ZNF148: variants seen among roughly 807,000 people sequenced by gnomAD.
ZNF148 encodes zinc finger protein 148.
A neutral mutation model predicts 67.7 loss-of-function variants in ZNF148; 7 were observed. That is an observed-to-expected ratio of 0.10 (90% CI 0.06 to 0.19). The LOEUF (loss-of-function observed/expected upper bound fraction) is 0.19. Ranked by LOEUF, ZNF148 falls within the 10% of genes least tolerant of loss-of-function variation. The pLI, the probability that ZNF148 is intolerant of heterozygous loss-of-function variation, is 1.00. For synonymous variants in ZNF148, 333 were observed against 330.7 expected (o/e 1.01, Z -0.08); for missense variants, 583 against 947.1 (o/e 0.62, Z 5.05).
intron 1 of ZNF148, among the ~76,000 whole-genome samples, chr3:125,347,707 T>A (rs1941997845): frequency 6.6e-6 from 1 of 151,922 alleles, no homozygotes; most frequent in Non-Finnish European, 1.5e-5. Flanking sequence ...TTATGTATTC[T>A]TTTTATAGAG....
At chr3:125,332,579 C>T (rs1046571565) in intron 1 of ZNF148, among the ~76,000 whole-genome samples, 2 of 152,194 alleles carry the variant, frequency 1.3e-5, no homozygotes, top group Non-Finnish European at 2.9e-5. Context: ...GTAGCTGAGT[C>T]TCAGCAAATC....
intron 2 of ZNF148, among the ~76,000 whole-genome samples, chr3:125,329,990 G>A (rs4679386): frequency 3.1e-3 from 467 of 152,240 alleles, no homozygotes; most frequent in Admixed American, 6.0e-3. Flanking sequence ...GGAAGGGTTG[G>A]AAAGCCTTTT....
chr3:125,324,437 A>G (rs575045535), intron 2 of ZNF148, among the ~76,000 whole-genome samples: 73 of 152,338 alleles, frequency 4.8e-4, no homozygotes, highest in African/African-American at 1.7e-3. Flanking sequence ...GCTGACAAAA[A>G]AGATAGATAA....
intron 5 of ZNF148, among the ~76,000 whole-genome samples, chr3:125,284,527 A>T (rs1223583082): frequency 6.6e-6 from 1 of 152,144 alleles, no homozygotes; most frequent in Non-Finnish European, 1.5e-5. Context: ...GATGGGGGAG[A>T]GCCCTAAAAT....
intron 4 of ZNF148, among the ~76,000 whole-genome samples, chr3:125,300,640 A>G (rs908967230): frequency 6.6e-6 from 1 of 152,244 alleles, no homozygotes; most frequent in African/African-American, 2.4e-5. Flanking sequence ...TGAATGCTAA[A>G]GCATTTTTTA....
intron 1 of ZNF148, among the ~76,000 whole-genome samples, chr3:125,341,100 C>A (rs563335531): frequency 7.0e-5 from 10 of 143,030 alleles, no homozygotes; most frequent in African/African-American, 2.6e-4. Flanking sequence ...GAGGGTAAAT[C>A]AGATGTTGGA....
intron 4 of ZNF148, among the ~76,000 whole-genome samples, chr3:125,301,492 C>T (rs1173612000): frequency 6.6e-6 from 1 of 152,120 alleles, no homozygotes; most frequent in Non-Finnish European, 1.5e-5. Context: ...CAAACACTAG[C>T]GAGTTTACAT....
chr3:125,233,175 T>C lies in ZNF148; in HGVS notation c.1551A>G (p.Ile517Met), dbSNP rs780126589. 21 of 1,613,932 alleles carry C rather than the reference T, an allele frequency of 1.3e-5. No homozygotes were observed. The South Asian group carries it at 2.2e-4, about 17-fold the overall frequency. Residue 517 changes from isoleucine (I) to methionine (M), a missense_variant, in exon 9 of 9, where the codon ATA becomes ATG. This residue lies in a region of ZNF148 where 172 missense variants were observed against 307.7 expected (regional missense o/e 0.56). Coordinates refer to ENST00000360647, the MANE Select transcript of ZNF148 (RefSeq NM_021964.3). This position sits in a 1 kb window ranked among gnomAD's most constrained non-coding sequence, Gnocchi z 5.1. ...SVIDESTTAS[I>M]LESQALNVEI... ...CCACATTCAGTGCCTGTGACTCTAA[T>C]ATGGATGCCGTGGTACTTTCATCAA...
In ZNF148 at chr3:125,233,757, T is replaced by C. The variant is rs1935959558; in HGVS notation, c.969A>G (p.Lys323=). The C allele has an allele frequency of 6.2e-7, 1 of 1,613,616 alleles. No individual in the cohort carries two copies. Among genetic ancestry groups the C allele is most frequent in the South Asian group, 1.1e-5 (1 of 91,016 alleles). ...PKKKRQKTEK[K]SSGMDKESAL... is the part of the protein sequence containing the mutation. Reference sequence around the variant, plus strand: ...CACTCTCTTTGTCCATTCCAGATGATTTTTTCTCCGTTTTCTGCCTTTTCT... The same window carrying C: ...CACTCTCTTTGTCCATTCCAGATGACTTTTTCTCCGTTTTCTGCCTTTTCT... The change falls in exon 9 of 9, where the codon AAA becomes AAG. Residue 323 remains lysine, a synonymous_variant. Coordinates refer to ENST00000360647, the MANE Select transcript of ZNF148 (RefSeq NM_021964.3). This position sits in a 1 kb window ranked among gnomAD's most constrained non-coding sequence, Gnocchi z 5.1.
intron 7 of ZNF148, among the ~76,000 whole-genome samples, chr3:125,275,333 CT>C (rs1177266019): frequency 6.6e-6 from 1 of 152,160 alleles, no homozygotes; most frequent in Non-Finnish European, 1.5e-5. Context: ...GCTTCTACCA[CT>C]TTTAGATGCT....
chr3:125,342,129 A>AC (rs1303085182), intron 1 of ZNF148, among the ~76,000 whole-genome samples: 10 of 58,438 alleles, frequency 1.7e-4, no homozygotes, highest in African/African-American at 4.9e-4. Flanking sequence ...CTACAGGGCA[A>AC]TAAAAAAAAA....
intron 1 of ZNF148, among the ~76,000 whole-genome samples, chr3:125,340,936 C>T (rs1018032324): frequency 1.1e-4 from 15 of 137,898 alleles, no homozygotes; most frequent in African/African-American, 3.6e-4. Flanking sequence ...TGCAGTGAGC[C>T]GAGATCCCGC....
intron 4 of ZNF148, among the ~76,000 whole-genome samples, chr3:125,295,614 T>C (rs189614765): frequency 1.7e-4 from 26 of 152,152 alleles, no homozygotes; most frequent in Admixed American, 1.4e-3. Context: ...AGAAATAAAA[T>C]CCAGTTTCAA....
chr3:125,308,199 G>A (rs1308010673), intron 4 of ZNF148, among the ~76,000 whole-genome samples: 1 of 152,062 alleles, frequency 6.6e-6, no homozygotes, highest in Non-Finnish European at 1.5e-5. Flanking sequence ...AGATAACAAA[G>A]TCACAGAATA....
intron 1 of ZNF148, among the ~76,000 whole-genome samples, chr3:125,374,380 A>G (rs1942990337): frequency 1.3e-5 from 2 of 151,286 alleles, no homozygotes; most frequent in East Asian, 3.9e-4. Context: ...ACTATTTAGC[A>G]CTCCCTCTTG....
chr3:125,278,725 G>A (rs1318692110), intron 6 of ZNF148, among the ~76,000 whole-genome samples: 1 of 151,904 alleles, frequency 6.6e-6, no homozygotes, highest in African/African-American at 2.4e-5. Flanking sequence ...CTTTAATACT[G>A]TTCTCTACAA....
chr3:125,327,868 T>C (rs1941095546), intron 2 of ZNF148, among the ~76,000 whole-genome samples: 2 of 152,164 alleles, frequency 1.3e-5, no homozygotes, highest in South Asian at 4.1e-4. Context: ...ATACTTAAAA[T>C]ATACAGCTTT....
At chr3:125,279,349 G>T in intron 5 of ZNF148, 102 bp from the exon 6 acceptor site, 2 of 923,120 alleles carry the variant, frequency 2.2e-6, no homozygotes, top group Non-Finnish European at 3.0e-6. Flanking sequence ...GGTCACCACA[G>T]ATTATGAAAT....
At chr3:125,256,678 A>AAAAAC (rs1221828672) in intron 7 of ZNF148, among the ~76,000 whole-genome samples, 7 of 152,162 alleles carry the variant, frequency 4.6e-5, no homozygotes, top group African/African-American at 9.7e-5. Flanking sequence ...TCCATCTCAA[A>AAAAAC]AAAACAAAAC....
Sources: allele counts gnomAD v4.1 joint callset (sites outside exome capture counted in the v4.1 genomes callset), GRCh38; gene constraint gnomAD v4.1.1; regional missense constraint gnomAD v4.1.1; non-coding constraint Gnocchi (gnomAD v3.1); transcripts MANE v1.5; gene names NCBI Gene and HGNC (gene_info 2026-07-23, HGNC 2026-07-21).